MSH4: variants seen among roughly 807,000 people sequenced by gnomAD.
The protein encoded by MSH4 is mutS protein homolog 4.
MSH4 carries 106 observed loss-of-function variants against 113.7 expected under a neutral mutation model. That is an observed-to-expected ratio of 0.93 (90% CI 0.80 to 1.10). MSH4 has a LOEUF of 1.10. Among genes scored for constraint, MSH4 ranks in the 50% least tolerant of loss-of-function variants. MSH4 has a pLI of 0.00. For missense variants in MSH4, 1,061 were observed against 1,093.7 expected, an observed-to-expected ratio of 0.97 and a Z score of 0.42; for synonymous variants, 368 against 380.2, an observed-to-expected ratio of 0.97 and a Z score of 0.37.
At chr1:75,905,113 C>T (rs1652593530) in intron 19 of MSH4, among the ~76,000 whole-genome samples, 1 of 149,050 alleles carries the variant, frequency 6.7e-6, no homozygotes, top group Admixed American at 6.7e-5. Flanking sequence ...TTTTTGCTTT[C>T]CTAGCTTTGA....
At chr1:75,883,546 C>A in intron 14 of MSH4, 75 bp from the exon 15 acceptor site, 1 of 1,148,324 alleles carries the variant, frequency 8.7e-7, no homozygotes, top group Non-Finnish European at 1.2e-6. Context: ...AAGATATAGA[C>A]AATACATACA....
At chr1:75,860,589 G>A (rs1651433720) in intron 8 of MSH4, among the ~76,000 whole-genome samples, 1 of 152,072 alleles carries the variant, frequency 6.6e-6, no homozygotes, top group African/African-American at 2.4e-5. Context: ...TTGAATATTG[G>A]CCCCCACTGT....
chr1:75,900,106 ACT>A (rs1453895372), intron 19 of MSH4, among the ~76,000 whole-genome samples: 6 of 152,038 alleles, frequency 3.9e-5, no homozygotes, highest in African/African-American at 9.7e-5. Flanking sequence ...AAGCCTCATA[ACT>A]CTTCATGAAG....
At chr1:75,846,009 T>G (rs1016962760) in intron 7 of MSH4, among the ~76,000 whole-genome samples, 1 of 152,334 alleles carries the variant, frequency 6.6e-6, no homozygotes, top group African/African-American at 2.4e-5. Flanking sequence ...GCTTATACCT[T>G]CTGGAGCAGT....
intron 8 of MSH4, among the ~76,000 whole-genome samples, chr1:75,861,999 A>G (rs1651466320): frequency 1.3e-5 from 2 of 151,954 alleles, no homozygotes; most frequent in Non-Finnish European, 2.9e-5. Flanking sequence ...GCAATGGCGG[A>G]CGCCCCTCCC....
At chr1:75,816,310 A>T in intron 5 of MSH4, 63 bp from the exon 6 acceptor site, 4 of 1,103,964 alleles carry the variant, frequency 3.6e-6, no homozygotes, top group Non-Finnish European at 4.8e-6. Flanking sequence ...ATTTTTCTTA[A>T]GGGGAAATAG....
intron 8 of MSH4, among the ~76,000 whole-genome samples, chr1:75,850,560 T>A (rs1003142626): frequency 1.6e-4 from 24 of 152,204 alleles, no homozygotes; most frequent in Admixed American, 1.3e-3. Flanking sequence ...TGACTTTTTT[T>A]ATGGCCCAAA....
At position 75,890,792 on chromosome 1, in the gene MSH4, T is replaced by C. The variant is rs747216526; in HGVS notation, c.2323T>C (p.Tyr775His). The C allele has an allele frequency of 6.2e-7, 1 of 1,607,258 alleles. No individual in the cohort carries two copies. Among genetic ancestry groups the C allele is most frequent in the Non-Finnish European group, 8.5e-7 (1 of 1,175,912 alleles). Residue 775 changes from tyrosine (Y) to histidine (H), a missense_variant, in exon 17 of 20, where the codon TAT becomes CAT. By Grantham distance (83) the Tyr-to-His change is moderately conservative (BLOSUM62 2). Coordinates refer to ENST00000263187, the MANE Select transcript of MSH4 (RefSeq NM_002440.4). ...TNTEEGIGIC[Y>H]AVCEYLLSLK... is the part of the protein sequence containing the mutation. ...TACGGAAGAAGGTATTGGCATTTGT[T>C]ATGCTGTTTGTGAATATCTACTGAG... is the stretch of plus-strand genomic sequence containing the variant.
rs999520304 is a variant in MSH4, at chr1:75,838,180, C to G, written c.1163-10029C>G. On this transcript the variant is annotated intron_variant, in intron 7 of 19. Coordinates refer to ENST00000263187, the MANE Select transcript of MSH4 (RefSeq NM_002440.4). ...GCAGGTCTACATTTTTCCAAAGGCTCTGGAGGGGGAGTCCATTTCCTTGCT... is the reference window on the plus strand; with the variant it reads ...GCAGGTCTACATTTTTCCAAAGGCTGTGGAGGGGGAGTCCATTTCCTTGCT... Among the ~76,000 whole-genome samples the G allele has an allele frequency of 7.2e-5, 11 of 152,154 alleles. No individual in the cohort carries two copies. In the South Asian group the frequency reaches 1.9e-3, roughly 26 times the overall value.
chr1:75,885,059 G>GTGTATATATATATATATATATA (rs1300289205), intron 15 of MSH4, among the ~76,000 whole-genome samples: 177 of 112,408 alleles, frequency 1.6e-3, no homozygotes, highest in African/African-American at 6.8e-3. Context: ...GTGTGTGTGT[G>GTGTATATATATATATATATATA]TATATATATA....
In MSH4 at chr1:75,912,766, A is replaced by C. The variant is rs750323271; in HGVS notation, c.2690A>C (p.Gln897Pro). The C allele has an allele frequency of 6.3e-7, 1 of 1,595,276 alleles. No individual in the cohort carries two copies. The highest frequency in any genetic ancestry group is 8.5e-7 in the Non-Finnish European group (1 of 1,171,560). The change falls in exon 20 of 20, where the codon CAA becomes CCA. Residue 897 changes from glutamine (Q) to proline (P), a missense_variant. By Grantham distance (76) the Gln-to-Pro change is moderately conservative. Coordinates refer to ENST00000263187, the MANE Select transcript of MSH4 (RefSeq NM_002440.4). Reference sequence around the variant, plus strand: ...TACCATCTAGCCACTAGGCTTGTTCAAACTGCTCGAAACTCTCAATTGGAT... The same window carrying C: ...TACCATCTAGCCACTAGGCTTGTTCCAACTGCTCGAAACTCTCAATTGGAT... ...AVYHLATRLV[Q>P]TARNSQLDPD...
At chr1:75,827,812 C>G (rs1359921884) in intron 7 of MSH4, among the ~76,000 whole-genome samples, 2 of 152,108 alleles carry the variant, frequency 1.3e-5, no homozygotes, top group Non-Finnish European at 2.9e-5. Flanking sequence ...GCTAACTATC[C>G]TAAATATACA....
intron 15 of MSH4, among the ~76,000 whole-genome samples, chr1:75,885,591 A>G (rs1652060761): frequency 2.6e-5 from 1 of 38,478 alleles, no homozygotes. Context: ...TTATATGTAT[A>G]TGTATTATAT....
At chr1:75,895,166 T>A (rs1652343760) in intron 17 of MSH4, among the ~76,000 whole-genome samples, 1 of 152,050 alleles carries the variant, frequency 6.6e-6, no homozygotes, top group African/African-American at 2.4e-5. Context: ...GTCTTATGCC[T>A]CTGAATCAAC....
chr1:75,895,233 G>A (rs892947940), intron 17 of MSH4, among the ~76,000 whole-genome samples: 6 of 152,142 alleles, frequency 3.9e-5, no homozygotes, highest in African/African-American at 1.4e-4. Context: ...TTAGCAAAGG[G>A]AAATTGGACT....
chr1:75,830,922 C>G (rs1341137631), intron 7 of MSH4, among the ~76,000 whole-genome samples: 2 of 152,154 alleles, frequency 1.3e-5, no homozygotes, highest in African/African-American at 2.4e-5. Flanking sequence ...ATGACAGGAT[C>G]AAATTCACAC....
intron 11 of MSH4, among the ~76,000 whole-genome samples, chr1:75,878,695 C>T (rs551085178): frequency 1.1e-4 from 16 of 151,950 alleles, no homozygotes; most frequent in African/African-American, 3.9e-4. Flanking sequence ...GTGATGTATG[C>T]CTGTAGTCCC....
In MSH4 at chr1:75,883,825, A is replaced by C. The variant is rs764290657; in HGVS notation, c.2107+4A>C. On this transcript the variant is annotated splice_donor_region_variant and intron_variant, in intron 15 of 19. Transcript: ENST00000263187. ...TGTCAGATTATGGCCCAGATTGGTA[A>C]GTTATGGCTTTATTTATAATGACCA... 6 of 1,605,620 alleles carry C rather than the reference A, an allele frequency of 3.7e-6. No individual in the cohort carries two copies. The highest frequency in any genetic ancestry group is 5.1e-6 in the Non-Finnish European group (6 of 1,176,704).
At chr1:75,821,985 T>C (rs369772272) in intron 6 of MSH4, among the ~76,000 whole-genome samples, 3 of 152,138 alleles carry the variant, frequency 2.0e-5, no homozygotes, top group Admixed American at 6.5e-5. Flanking sequence ...ACAGTAAAGT[T>C]TAAGAATCAT....
Sources: allele counts gnomAD v4.1 joint callset (sites outside exome capture counted in the v4.1 genomes callset), GRCh38; gene constraint gnomAD v4.1.1; transcripts MANE v1.5; gene names NCBI Gene and HGNC (gene_info 2026-07-23, HGNC 2026-07-21).